The following FCRL5 variants were observed in gnomAD, a reference collection of about 807,000 sequenced individuals.
The protein encoded by FCRL5 is Fc receptor-like protein 5.
Under a neutral mutation model 92.1 loss-of-function variants are expected in FCRL5, and 79 were observed. That is an observed-to-expected ratio of 0.86 (90% CI 0.72 to 1.03). The LOEUF is 1.03. FCRL5 is among the 50% of genes least tolerant of loss of function. The pLI is 0.00. For synonymous variants in FCRL5, 466 were observed against 469.3 expected (o/e 0.99, Z 0.09); for missense variants, 1,160 against 1,181.1 (o/e 0.98, Z 0.26).
At position 157,542,850 on chromosome 1, in the gene FCRL5, A is replaced by C. The variant is rs1359920090; in HGVS notation, c.1123+9T>G. On this transcript the variant is annotated intron_variant, in intron 6 of 16. Transcript: ENST00000361835. ...AGGGGTGGGTGATTGGCAGGAATGCAGGGCTTACCAGTGACTGAGAGGCTC... is the reference window on the plus strand; with the variant it reads ...AGGGGTGGGTGATTGGCAGGAATGCCGGGCTTACCAGTGACTGAGAGGCTC... 1 of 1,606,516 alleles carries C rather than the reference A, an allele frequency of 6.2e-7. No homozygotes were observed. Among genetic ancestry groups the C allele is most frequent in the Admixed American group, 1.7e-5 (1 of 59,804 alleles).
At position 157,514,487 on chromosome 1, in the gene FCRL5, G is replaced by A. The variant is rs1265256199; in HGVS notation, c.*1188C>T. The stretch of plus-strand genomic sequence containing the variant: ...TGGTGCTGTGGCCAAAGGCTGGCCA[G>A]GGAGCAGCACGATCCGTGTGAACCG... On this transcript the variant is annotated 3_prime_UTR_variant, in exon 17 of 17. Transcript: ENST00000361835. 1.3e-5 allele frequency: 2 copies of A among 152,254 alleles called. No homozygotes were observed. Among genetic ancestry groups the A allele is most frequent in the Non-Finnish European group, 2.9e-5 (2 of 68,062 alleles). The allele number at this position is 152,254 out of a possible 1,614,324, so 9.4% of individuals were successfully genotyped here. A position where few individuals can be genotyped will look rare whatever the true frequency, so the allele number is the denominator to read the frequency against.
rs202187276 is a variant in FCRL5 at position 157,552,391 on chromosome 1, C to A, written c.-29G>T. ...GACCTGGACCACCAAGGGCTGAGAT[C>A]AAAAGAGAAGTTTCCTCAATTCCAA... On this transcript the variant is annotated 5_prime_UTR_variant, in exon 1 of 17. Transcript: ENST00000361835. The A allele has an allele frequency of 1.0e-4, 169 of 1,613,714 alleles. No homozygotes were observed. Among genetic ancestry groups the A allele is most frequent in the Non-Finnish European group, 3.3e-5 (39 of 1,179,840 alleles).
At chr1:157,546,911 C>T (rs377764641) in intron 3 of FCRL5, 32 bp downstream of exon 3, 1 of 1,600,140 alleles carries the variant, frequency 6.2e-7, no homozygotes, top group Non-Finnish European at 8.5e-7. Flanking sequence ...GAATTGATTT[C>T]TAAAGTTGGT....
At chr1:157,546,799 G>C in intron 3 of FCRL5, 144 bp downstream of exon 3, 1 of 1,008,362 alleles carries the variant, frequency 9.9e-7, no homozygotes, top group South Asian at 1.8e-5. Context: ...TGTATTCTGA[G>C]CTTTTTACTC....
chr1:157,520,523 G>T lies in FCRL5; in HGVS notation c.2540C>A (p.Pro847His). The T allele has an allele frequency of 6.3e-7, 1 of 1,581,358 alleles. No homozygotes were observed. The highest frequency in any genetic ancestry group is 8.6e-7 in the Non-Finnish European group (1 of 1,163,618). ...GCCCCCGGCGACTCCTGTGGCAAAA[G>T]GGCCACTTCTGTTCGCGGTCAGCCC... ...ITGLTANRSG[P>H]FATGVAGGLL... Residue 847 changes from proline (P) to histidine (H), a missense_variant, in exon 12 of 17, where the codon CCT (proline) becomes CAT (histidine). Coordinates refer to ENST00000361835, the MANE Select transcript of FCRL5 (RefSeq NM_031281.3).
chr1:157,514,420 A>C lies in FCRL5; in HGVS notation c.*1255T>G, dbSNP rs1285469067. ...CTTCCCAGGGTGGCTGATGAAAGCC[A>C]ACATGTCACAGAGAAGAAGCTCTCT... On this transcript the variant is annotated 3_prime_UTR_variant, in exon 17 of 17. Transcript: ENST00000361835. The C allele has an allele frequency of 1.3e-5, 2 of 152,240 alleles. No individual in the cohort carries two copies. The highest frequency in any genetic ancestry group is 4.8e-5 in the African/African-American group (2 of 41,468). 9.4% of individuals were successfully genotyped at this position (152,240 alleles called of 1,614,324 possible).
At chr1:157,548,709 G>A (rs1558143969) in intron 2 of FCRL5, among the ~76,000 whole-genome samples, 1 of 152,206 alleles carries the variant, frequency 6.6e-6, no homozygotes, top group African/African-American at 2.4e-5. Context: ...GGCCATCAGA[G>A]AAATGCAAAT....
At chr1:157,526,834 G>A (rs1006810683) in intron 9 of FCRL5, among the ~76,000 whole-genome samples, 1 of 152,054 alleles carries the variant, frequency 6.6e-6, no homozygotes, top group African/African-American at 2.4e-5. Flanking sequence ...AGAAGGCCAG[G>A]GGGTGGTTGT....
chr1:157,532,045 A>G (rs1489680716), intron 8 of FCRL5: 1 of 152,234 alleles, frequency 6.6e-6, no homozygotes, highest in Non-Finnish European at 1.5e-5. Flanking sequence ...TGATCGTTAT[A>G]TACCATGTAT....
At chr1:157,535,615 A>T (rs12562087) in intron 7 of FCRL5, among the ~76,000 whole-genome samples, 13,313 of 152,184 alleles carry the variant, frequency 0.087, 1,568 homozygotes, top group African/African-American at 0.27. Flanking sequence ...CATGTTTATG[A>T]ATGTAGTAAT....
In FCRL5 at chr1:157,534,781, T is replaced by C; in HGVS notation, c.1514A>G (p.Tyr505Cys). The C allele has an allele frequency of 4.3e-6, 7 of 1,613,792 alleles. No homozygotes were observed. Among genetic ancestry groups the C allele is most frequent in the Non-Finnish European group, 5.9e-6 (7 of 1,179,856 alleles). The change falls in exon 8 of 17, where the codon TAC becomes TGC. Residue 505 changes from tyrosine (Y) to cysteine (C), a missense_variant. Physicochemically the swap from Tyr to Cys is radical, Grantham distance 194 (BLOSUM62 -2). Coordinates refer to ENST00000361835, the MANE Select transcript of FCRL5 (RefSeq NM_031281.3). The part of the protein sequence containing the change: ...EVQRGSPQIL[Y>C]QFYHEDMPLW... ...GGGCATGTCCTCATGATAAAACTGG[T>C]ATAGGATTTGTGGGGAACCTCTCTG...
intron 2 of FCRL5, among the ~76,000 whole-genome samples, chr1:157,549,318 G>C (rs1236524518): frequency 6.6e-6 from 1 of 151,310 alleles, no homozygotes; most frequent in Non-Finnish European, 1.5e-5. Context: ...ATAGCATTAG[G>C]AGATATACCT....
chr1:157,551,387 C>T (rs187965021), intron 1 of FCRL5, among the ~76,000 whole-genome samples: 1 of 152,322 alleles, frequency 6.6e-6, no homozygotes, highest in African/African-American at 2.4e-5. Context: ...TCTTATATCA[C>T]GCCTGCTCCA....
At chr1:157,546,616 T>C (rs1161104448) in intron 3 of FCRL5, among the ~76,000 whole-genome samples, 1 of 152,226 alleles carries the variant, frequency 6.6e-6, no homozygotes, top group East Asian at 1.9e-4. Flanking sequence ...CAGGTTTCTA[T>C]TGAATAAGCA....
At position 157,552,456 on chromosome 1, in the gene FCRL5, A is replaced by C; in HGVS notation, c.-94T>G. On this transcript the variant is annotated 5_prime_UTR_variant, in exon 1 of 17. Coordinates refer to ENST00000361835, the MANE Select transcript of FCRL5 (RefSeq NM_031281.3). ...TGATCTTACAGTCAGGACACTGCAC[A>C]CCAGCTCCAAGGAGCACATCTGAGA... 7.8e-7 allele frequency: 1 copy of C among 1,281,696 alleles called. No individual in the cohort carries two copies. Among genetic ancestry groups the C allele is most frequent in the East Asian group, 2.3e-5 (1 of 43,134 alleles). 79.4% of individuals were successfully genotyped at this position (1,281,696 alleles called of 1,614,324 possible).
chr1:157,542,646 C>T (rs757534482), intron 6 of FCRL5: 8 of 554,574 alleles, frequency 1.4e-5, no homozygotes, highest in Non-Finnish European at 2.5e-5. Flanking sequence ...AGCCACTGCA[C>T]CATCAGGCAG....
chr1:157,521,239 C>T lies in FCRL5; in HGVS notation c.2293G>A (p.Val765Met). 1 of 1,614,064 alleles carries T rather than the reference C, an allele frequency of 6.2e-7. No homozygotes were observed. The highest frequency in any genetic ancestry group is 1.1e-5 in the South Asian group (1 of 91,056). ...CAGTGAAGCTCCAGCAGGTCCCCCA[C>T]CGCAGCATGGGTCCCGGGAGCCCTG... ...TLRAPGTHAA[V>M]GDLLELHCEA... Residue 765 changes from valine to methionine, a missense_variant, in exon 11 of 17, where the codon GTG (valine) becomes ATG (methionine). Transcript: ENST00000361835.
rs373714790 is a variant in FCRL5, at chr1:157,544,257, C to A, written c.844+5G>T. On this transcript the variant is annotated splice_donor_5th_base_variant and intron_variant, in intron 5 of 16. Coordinates refer to ENST00000361835, the MANE Select transcript of FCRL5 (RefSeq NM_031281.3). The stretch of plus-strand genomic sequence containing the variant: ...CAGCAAATCTCAGGTTCCACCAACA[C>A]TTACTCTGCACCTGTATCCAGGATC... 1 of 1,613,320 alleles carries A rather than the reference C, an allele frequency of 6.2e-7. No homozygotes were observed. The highest frequency in any genetic ancestry group is 1.3e-5 in the African/African-American group (1 of 74,914).
chr1:157,534,535 A>T, intron 8 of FCRL5, 79 bp downstream of exon 8: 1 of 1,538,632 alleles, frequency 6.5e-7, no homozygotes, highest in Non-Finnish European at 9.0e-7. Flanking sequence ...GAAACTGGAC[A>T]GTGCAAACAG....
Sources: allele counts gnomAD v4.1 joint callset (sites outside exome capture counted in the v4.1 genomes callset), GRCh38; gene constraint gnomAD v4.1.1; transcripts MANE v1.5; gene names NCBI Gene and HGNC (gene_info 2026-07-23, HGNC 2026-07-21).